Variants in PAPPA observed in about 807,000 individuals in gnomAD.
PAPPA encodes pappalysin 1.
In PAPPA, 60 loss-of-function variants were observed where a neutral mutation model predicts 164.0. The observed-to-expected ratio is 0.37, with a 90% CI of 0.30 to 0.45. PAPPA has a LOEUF of 0.45. Among genes scored for constraint, PAPPA ranks in the 20% least tolerant of loss-of-function variants. PAPPA has a pLI of 1.00. For missense variants in PAPPA, 1,782 were observed against 2,087.3 expected (o/e 0.85, Z 2.85); for synonymous variants, 875 against 814.1 (o/e 1.07, Z -1.27).
rs991399868 is a variant in PAPPA, at chr9:116,154,149, G to A, written c.-24G>A. The A allele has an allele frequency of 8.4e-6, 12 of 1,429,680 alleles. No homozygotes were observed. Among genetic ancestry groups the A allele is most frequent in the Admixed American group, 2.2e-5 (1 of 46,184 alleles). The allele number at this position is 1,429,680 out of a possible 1,614,324, so 88.6% of individuals were successfully genotyped here. ...TCCGGGTGGCGGTGCAGGGGCGAAG[G>A]GGGGGCGGGGGGAACCGTCGGACAT... On this transcript the variant is annotated 5_prime_UTR_variant, in exon 1 of 22. Transcript: ENST00000328252. This position sits in a 1 kb window ranked among gnomAD's most constrained non-coding sequence, Gnocchi z 5.2.
chr9:116,350,253 A>G (rs1395319182), intron 15 of PAPPA, among the ~76,000 whole-genome samples: 1 of 152,236 alleles, frequency 6.6e-6, no homozygotes, highest in Non-Finnish European at 1.5e-5. Flanking sequence ...TTCACAGTAT[A>G]CAGGCCAGTG....
chr9:116,363,749 G>A (rs1257373667), intron 18 of PAPPA, among the ~76,000 whole-genome samples: 20 of 152,196 alleles, frequency 1.3e-4, no homozygotes. Flanking sequence ...TCTTCATCCA[G>A]CAAACAGAGA....
intron 20 of PAPPA, among the ~76,000 whole-genome samples, chr9:116,381,444 C>T (rs1351714900): frequency 6.6e-6 from 1 of 152,114 alleles, no homozygotes; most frequent in Non-Finnish European, 1.5e-5. Flanking sequence ...ATAAACAGAC[C>T]ACAGAATACA....
chr9:116,250,182 A>C (rs1269647527), intron 7 of PAPPA, among the ~76,000 whole-genome samples: 1 of 152,100 alleles, frequency 6.6e-6, no homozygotes, highest in Admixed American at 6.5e-5. Context: ...ACTAATACCT[A>C]TAACGTTACA....
At chr9:116,289,234 CAT>C (rs1425715338) in intron 9 of PAPPA, among the ~76,000 whole-genome samples, 1,202 of 38,664 alleles carry the variant, frequency 0.031, 167 homozygotes, top group African/African-American at 0.045. Flanking sequence ...ATATATATAG[CAT>C]ATATATATAG....
chr9:116,188,178 T>C lies in PAPPA; in HGVS notation c.1440T>C (p.Asn480=), dbSNP rs1844001025. 2 of 1,613,678 alleles carry C rather than the reference T, an allele frequency of 1.2e-6. No homozygotes were observed. Among genetic ancestry groups the C allele is most frequent in the Admixed American group, 1.7e-5 (1 of 59,992 alleles). ...AGTGCTGTGACCCTGAAATCACCAA[T>C]GTCACTCAGACTTGCTTTGACCCCG... is the stretch of plus-strand genomic sequence containing the variant. The part of the protein sequence containing the change: ...GGECCDPEIT[N]VTQTCFDPDS... Residue 480 remains asparagine, a synonymous_variant, in exon 2 of 22, where the codon AAT becomes AAC. Transcript: ENST00000328252.
intron 7 of PAPPA, among the ~76,000 whole-genome samples, chr9:116,238,044 T>C (rs1434411708): frequency 6.6e-6 from 1 of 152,124 alleles, no homozygotes; most frequent in Non-Finnish European, 1.5e-5. Context: ...GGATTGCACA[T>C]TTAAAAACTG....
At position 116,154,084 on chromosome 9, in the gene PAPPA, C is replaced by A; in HGVS notation, c.-89C>A. 8.5e-7 allele frequency: 1 copy of A among 1,177,420 alleles called. No homozygotes were observed. The highest frequency in any genetic ancestry group is 1.1e-6 in the Non-Finnish European group (1 of 945,948). The allele number at this position is 1,177,420 out of a possible 1,614,324, so 72.9% of individuals were successfully genotyped here. A position where few individuals can be genotyped will look rare whatever the true frequency, so the allele number is the denominator to read the frequency against. On this transcript the variant is annotated 5_prime_UTR_variant, in exon 1 of 22. Coordinates refer to ENST00000328252, the MANE Select transcript of PAPPA (RefSeq NM_002581.5). The surrounding 1 kb of genome is among the most constrained non-coding windows in gnomAD (Gnocchi z 5.2). ...GGCTCGCCCAAGAAGGGTGAAGAAG[C>A]GAAGAAAGTCGAGGCGCCGAGGCTC...
chr9:116,399,596 G>A lies in PAPPA; in HGVS notation c.*2980G>A, dbSNP rs1425314929. On this transcript the variant is annotated 3_prime_UTR_variant, in exon 22 of 22. Transcript: ENST00000328252. ...CTGCATCTGAAGTATTAGATTGTTA[G>A]CAGCAAAATATGAAAGATGAGGTGG... 6.6e-6 allele frequency: 1 copy of A among 152,536 alleles called. No homozygotes were observed. The highest frequency in any genetic ancestry group is 2.4e-5 in the African/African-American group (1 of 41,408). 9.4% of individuals were successfully genotyped at this position (152,536 alleles called of 1,614,324 possible).
Position 116,345,530 on chromosome 9 carries a change from A to G in PAPPA, c.3780+819A>G, listed in dbSNP as rs182138758. Reference sequence around the variant, plus strand: ...GCAATGAGGCTGGAAGGGCCAGCTGAATCCACTGGTGCAGGGCCTGTTGAT... The same window carrying G: ...GCAATGAGGCTGGAAGGGCCAGCTGGATCCACTGGTGCAGGGCCTGTTGAT... On this transcript the variant is annotated intron_variant, in intron 14 of 21. Coordinates refer to ENST00000328252, the MANE Select transcript of PAPPA (RefSeq NM_002581.5). Among the ~76,000 whole-genome samples, 7 of 152,034 alleles carry G rather than the reference A, an allele frequency of 4.6e-5. No homozygotes were observed. The East Asian group carries it at 5.8e-4, about 13-fold the overall frequency.
At chr9:116,331,959 C>T (rs1845998367) in intron 11 of PAPPA, among the ~76,000 whole-genome samples, 1 of 152,110 alleles carries the variant, frequency 6.6e-6, no homozygotes, top group Non-Finnish European at 1.5e-5. Flanking sequence ...GGACCGGGAC[C>T]TTTGCTACAC....
rs887908819 is a variant in PAPPA, at chr9:116,347,581, G to A, written c.3964+372G>A. Among the ~76,000 whole-genome samples, 1 of 152,196 alleles carries A rather than the reference G, an allele frequency of 6.6e-6. No homozygotes were observed. Among genetic ancestry groups the A allele is most frequent in the Non-Finnish European group, 1.5e-5 (1 of 68,032 alleles). ...GATTAGGGCCAGTAAGCCTTATGAG[G>A]TAAGCGTTACTATTATTCCCATTTC... is the stretch of plus-strand genomic sequence containing the variant. On this transcript the variant is annotated intron_variant, in intron 15 of 21. Coordinates refer to ENST00000328252, the MANE Select transcript of PAPPA (RefSeq NM_002581.5). The surrounding 1 kb of genome is among the most constrained non-coding windows in gnomAD (Gnocchi z 4.5).
At position 116,212,614 on chromosome 9, in the gene PAPPA, C is replaced by T. The variant is rs554733723; in HGVS notation, c.1918+682C>T. Among the ~76,000 whole-genome samples the T allele has an allele frequency of 2.6e-5, 4 of 152,186 alleles. No individual in the cohort carries two copies. The South Asian group carries it at 8.3e-4, about 32-fold the overall frequency. ...CATACTCAACTTAGTGTCTTTTTCC[C>T]CACTAGAACAAGCAAATTCTATCAA... On this transcript the variant is annotated intron_variant, in intron 4 of 21. Transcript: ENST00000328252.
chr9:116,314,311 C>T (rs1845760880), intron 10 of PAPPA, among the ~76,000 whole-genome samples: 1 of 151,892 alleles, frequency 6.6e-6, no homozygotes, highest in Admixed American at 6.6e-5. Context: ...TCTCGTGATC[C>T]ACCTGCCTCA....
At chr9:116,261,616 A>G (rs545904919) in intron 7 of PAPPA, among the ~76,000 whole-genome samples, 1 of 152,208 alleles carries the variant, frequency 6.6e-6, no homozygotes, top group Non-Finnish European at 1.5e-5. Flanking sequence ...TTAAATGCAT[A>G]TTTAAGCTTA....
chr9:116,367,592 CA>C, intron 18 of PAPPA, 52 bp from the exon 19 acceptor site: 1 of 1,341,606 alleles, frequency 7.5e-7, no homozygotes, highest in Non-Finnish European at 1.1e-6. Context: ...GGGCAGTTTG[CA>C]GATGTTGAGG....
chr9:116,398,637 C>A lies in PAPPA; in HGVS notation c.*2021C>A. 1 of 763,012 alleles carries A rather than the reference C, an allele frequency of 1.3e-6. No individual in the cohort carries two copies. The allele number at this position is 763,012 out of a possible 1,614,324, so 47.3% of individuals were successfully genotyped here. On this transcript the variant is annotated 3_prime_UTR_variant, in exon 22 of 22. Transcript: ENST00000328252. ...GAAACATATCAAGGTGCTTTTGGCA[C>A]AGGTGCCCACAAATACGGATGCAGT...
chr9:116,281,709 C>T (rs1446677732), intron 9 of PAPPA, among the ~76,000 whole-genome samples: 2 of 152,122 alleles, frequency 1.3e-5, no homozygotes, highest in Non-Finnish European at 2.9e-5. Flanking sequence ...ACAACAGAGC[C>T]CCCAAATGTT....
intron 10 of PAPPA, among the ~76,000 whole-genome samples, chr9:116,309,765 T>C (rs763119369): frequency 1.2e-4 from 18 of 152,132 alleles, no homozygotes; most frequent in Non-Finnish European, 2.2e-4. Flanking sequence ...ATCCTGCCAA[T>C]GCTTGGAACT....
Sources: allele counts gnomAD v4.1 joint callset (sites outside exome capture counted in the v4.1 genomes callset), GRCh38; gene constraint gnomAD v4.1.1; non-coding constraint Gnocchi (gnomAD v3.1); transcripts MANE v1.5; gene names NCBI Gene and HGNC (gene_info 2026-07-23, HGNC 2026-07-21).